Variants in R3HDM1 observed in about 807,000 individuals in gnomAD.
R3HDM1 encodes the protein R3H domain containing 1.
R3HDM1 carries 46 observed loss-of-function variants against 141.1 expected under a neutral mutation model. The ratio of observed to expected loss-of-function variants is 0.33; its 90% CI spans 0.26 to 0.42. The LOEUF is 0.42. Among genes scored for constraint, R3HDM1 ranks in the 10% least tolerant of loss-of-function variants. R3HDM1 has a pLI of 1.00. For missense variants in R3HDM1, 1,184 were observed against 1,368.3 expected, an observed-to-expected ratio of 0.87 and a Z score of 2.12; for synonymous variants, 435 against 472.9, an observed-to-expected ratio of 0.92 and a Z score of 1.04.
At chr2:135,588,275 A>T (rs1708407883) in intron 1 of R3HDM1, among the ~76,000 whole-genome samples, 1 of 146,972 alleles carries the variant, frequency 6.8e-6, no homozygotes, top group South Asian at 2.3e-4. Flanking sequence ...TCCCTCTCTC[A>T]TCCTTTTGCT....
chr2:135,532,165 A>G (rs150464280), intron 1 of R3HDM1, among the ~76,000 whole-genome samples: 68 of 152,320 alleles, frequency 4.5e-4, no homozygotes, highest in African/African-American at 1.5e-3. Flanking sequence ...GCCTTGCACC[A>G]AGAGAATTTT....
intron 18 of R3HDM1, among the ~76,000 whole-genome samples, chr2:135,654,427 TTTGTTGTTGTTG>T (rs35477275): frequency 3.6e-4 from 54 of 149,216 alleles, no homozygotes; most frequent in African/African-American, 7.5e-4. Context: ...AATGTTTTCT[TTTGTTGTTGTTG>T]TTGTTGTTGT....
chr2:135,602,256 T>C (rs1192652048), intron 1 of R3HDM1, among the ~76,000 whole-genome samples: 2 of 152,164 alleles, frequency 1.3e-5, no homozygotes, highest in Admixed American at 6.5e-5. Context: ...TCAGTACATA[T>C]CATTTTCTTT....
chr2:135,637,665 G>C (rs969831927), intron 11 of R3HDM1, among the ~76,000 whole-genome samples: 1 of 152,132 alleles, frequency 6.6e-6, no homozygotes, highest in Non-Finnish European at 1.5e-5. Context: ...AGAGTAGCCA[G>C]ATTCTAGCCT....
intron 15 of R3HDM1, among the ~76,000 whole-genome samples, chr2:135,644,313 G>A (rs1254737855): frequency 1.3e-5 from 2 of 152,102 alleles, no homozygotes; most frequent in African/African-American, 2.4e-5. Flanking sequence ...GACCAGCCTG[G>A]CCAACATGGT....
chr2:135,669,896 C>A (rs2068068894), intron 19 of R3HDM1, among the ~76,000 whole-genome samples: 1 of 151,988 alleles, frequency 6.6e-6, no homozygotes, highest in Non-Finnish European at 1.5e-5. Context: ...CCCAGCACTT[C>A]GGGAGACTGA....
Position 135,638,953 on chromosome 2 carries a change from T to C in R3HDM1, c.1050T>C (p.Asn350=), listed in dbSNP as rs765662585. The change falls in exon 14 of 27, where the codon AAT becomes AAC. Residue 350 remains asparagine, a synonymous_variant. Transcript: ENST00000683871. ...STNSHQSSTE[N]ELKYSEPRPW... ...ATAGCCATCAAAGCAGCACTGAGAA[T>C]GAGTTGAAGTACTCGGAACCACGAC... 6.2e-7 allele frequency: 1 copy of C among 1,614,138 alleles called. No individual in the cohort carries two copies. The highest frequency in any genetic ancestry group is 2.2e-5 in the East Asian group (1 of 44,886).
Position 135,686,014 on chromosome 2 carries a change from A to G in R3HDM1, c.2459+5690A>G, listed in dbSNP as rs116592777. Among the ~76,000 whole-genome samples, 337 of 152,330 alleles carry G rather than the reference A, an allele frequency of 2.2e-3. 2 individuals are homozygous for G. The highest frequency in any genetic ancestry group is 7.7e-3 in the African/African-American group (320 of 41,588). ...AGAAAAAAAAAGGGTTAAAGAGTTG[A>G]ATAGAAATTTATCCAGAGAAGACAT... is the stretch of plus-strand genomic sequence containing the variant. On this transcript the variant is annotated intron_variant, in intron 21 of 26. Transcript: ENST00000683871.
intron 1 of R3HDM1, among the ~76,000 whole-genome samples, chr2:135,596,139 C>T (rs1403112229): frequency 6.6e-6 from 1 of 152,128 alleles, no homozygotes; most frequent in Non-Finnish European, 1.5e-5. Flanking sequence ...GCTGGGATTA[C>T]AGGTGTGCAC....
At chr2:135,698,731 C>T (rs2073671111) in intron 21 of R3HDM1, among the ~76,000 whole-genome samples, 1 of 151,982 alleles carries the variant, frequency 6.6e-6, no homozygotes, top group South Asian at 2.1e-4. Context: ...TGGCAGAAGG[C>T]AAGAGGGAAG....
intron 21 of R3HDM1, among the ~76,000 whole-genome samples, chr2:135,708,418 TAA>T (rs1183454112): frequency 1.3e-5 from 2 of 152,222 alleles, no homozygotes; most frequent in African/African-American, 4.8e-5. Flanking sequence ...TAGTTTTGTA[TAA>T]AGTTTAATGC....
In R3HDM1 at chr2:135,604,980, G is replaced by C. The variant is rs757729134; in HGVS notation, c.135G>C (p.Lys45Asn). 1 of 1,610,984 alleles carries C rather than the reference G, an allele frequency of 6.2e-7. No individual in the cohort carries two copies. Among genetic ancestry groups the C allele is most frequent in the Non-Finnish European group, 8.5e-7 (1 of 1,177,654 alleles). The change falls in exon 3 of 27, where the codon AAG becomes AAC. Residue 45 changes from lysine (K) to asparagine (N), a missense_variant. Around this residue, in one of 5 missense-constraint regions of R3HDM1, gnomAD observed 192 missense variants for 215.7 expected, o/e 0.89. Coordinates refer to ENST00000683871, the MANE Select transcript of R3HDM1 (RefSeq NM_001378107.1). Reference sequence around the variant, plus strand: ...ACTATGGGAAGATTTTGGTAGAGAAGAATGAACATTGTATTGAGAACAATA... The same window carrying C: ...ACTATGGGAAGATTTTGGTAGAGAACAATGAACATTGTATTGAGAACAATA... ...SENYGKILVE[K>N]NEHCIENNID...
At chr2:135,663,946 A>T (rs2067108723) in intron 19 of R3HDM1, among the ~76,000 whole-genome samples, 1 of 151,100 alleles carries the variant, frequency 6.6e-6, no homozygotes, top group African/African-American at 2.4e-5. Flanking sequence ...AGGCAGGAGA[A>T]TCGTTTGAAC....
In R3HDM1 at chr2:135,622,861, G is replaced by A. The variant is rs1264166775; in HGVS notation, c.497+129G>A. On this transcript the variant is annotated intron_variant, in intron 7 of 26. Transcript: ENST00000683871. ...TTTGAAGTACACCAGAAACATTTTA[G>A]TTTTTTAGGGCAAAGATGTTGTTGG... 5 of 1,348,028 alleles carry A rather than the reference G, an allele frequency of 3.7e-6. No individual in the cohort carries two copies. In the African/African-American group the frequency reaches 4.4e-5, roughly 12 times the overall value. The allele number at this position is 1,348,028 out of a possible 1,614,324, so 83.5% of individuals were successfully genotyped here.
rs773757049 is a variant in R3HDM1 at position 135,604,760 on chromosome 2, C to A, written c.-40-46C>A. On this transcript the variant is annotated intron_variant, in intron 2 of 26. Coordinates refer to ENST00000683871, the MANE Select transcript of R3HDM1 (RefSeq NM_001378107.1). ...ACAGTAGGTCAGTATCATGCAGTAA[C>A]TGAATGTAAAAAAGTTTCAAACTGT... The A allele has an allele frequency of 2.8e-6, 4 of 1,415,340 alleles. No homozygotes were observed. The African/African-American group carries it at 5.6e-5, about 20-fold the overall frequency. 87.7% of individuals were successfully genotyped at this position (1,415,340 alleles called of 1,614,324 possible).
chr2:135,546,827 A>G (rs1484552011), intron 1 of R3HDM1, among the ~76,000 whole-genome samples: 1 of 151,994 alleles, frequency 6.6e-6, no homozygotes, highest in African/African-American at 2.4e-5. Context: ...GTGTGCTACC[A>G]TGCCTGGCTA....
At chr2:135,534,126 T>C (rs1695533663) in intron 1 of R3HDM1, among the ~76,000 whole-genome samples, 1 of 152,136 alleles carries the variant, frequency 6.6e-6, no homozygotes, top group African/African-American at 2.4e-5. Context: ...CTTATGGAAG[T>C]TTTTTTGACT....
chr2:135,608,993 T>C lies in R3HDM1; in HGVS notation c.171+3977T>C, dbSNP rs138243947. Among the ~76,000 whole-genome samples the C allele has an allele frequency of 2.0e-3, 305 of 152,320 alleles. 1 individual carries two copies. Among genetic ancestry groups the C allele is most frequent in the African/African-American group, 6.9e-3 (286 of 41,564 alleles). ...ATAAAAAAACTGCACGTTTAATATA[T>C]ACATTTTGAGTGAAGTCATTGTTAA... On this transcript the variant is annotated intron_variant, in intron 3 of 26. Coordinates refer to ENST00000683871, the MANE Select transcript of R3HDM1 (RefSeq NM_001378107.1).
At chr2:135,577,071 A>G (rs1705615436) in intron 1 of R3HDM1, 8 of 926,980 alleles carry the variant, frequency 8.6e-6, no homozygotes, top group Non-Finnish European at 9.0e-6. Context: ...CAAACAGGTT[A>G]AGAATCTAAA....
Sources: allele counts gnomAD v4.1 joint callset (sites outside exome capture counted in the v4.1 genomes callset), GRCh38; gene constraint gnomAD v4.1.1; regional missense constraint gnomAD v4.1.1; transcripts MANE v1.5; gene names NCBI Gene and HGNC (gene_info 2026-07-23, HGNC 2026-07-21).